The following PNISR variants were observed in gnomAD, a reference collection of about 807,000 sequenced individuals.
The protein encoded by PNISR is arginine/serine-rich protein PNISR.
In PNISR, 20 loss-of-function variants were observed where a neutral mutation model predicts 93.4. The ratio of observed to expected loss-of-function variants is 0.21; its 90% CI spans 0.15 to 0.31. The LOEUF (loss-of-function observed/expected upper bound fraction) is 0.31, where lower values mean the gene tolerates loss of function less well. Among genes scored for constraint, PNISR ranks in the 10% least tolerant of loss-of-function variants. The pLI is 1.00. For synonymous variants in PNISR, 305 were observed against 306.5 expected (o/e 0.99, Z 0.05); for missense variants, 893 against 985.4 (o/e 0.91, Z 1.25).
rs1052999664 is a variant in PNISR, at chr6:99,400,389, A to T, written c.*151T>A. The T allele has an allele frequency of 4.3e-6, 5 of 1,170,490 alleles. No homozygotes were observed. The highest frequency in any genetic ancestry group is 3.8e-5 in the Admixed American group (1 of 26,330). 72.5% of individuals were successfully genotyped at this position (1,170,490 alleles called of 1,614,324 possible). Reference sequence around the variant, plus strand: ...AAAAATCTGCAATTTTAAATAAATAATATTATATAGGATTTCTAACATTTA... The same window carrying T: ...AAAAATCTGCAATTTTAAATAAATATTATTATATAGGATTTCTAACATTTA... On this transcript the variant is annotated 3_prime_UTR_variant, in exon 12 of 12. Coordinates refer to ENST00000369239, the MANE Select transcript of PNISR (RefSeq NM_032870.4).
intron 11 of PNISR, among the ~76,000 whole-genome samples, chr6:99,402,277 T>C (rs1332189608): frequency 2.0e-5 from 3 of 152,210 alleles, no homozygotes; most frequent in Non-Finnish European, 4.4e-5. Context: ...GTCTTACAAA[T>C]ATATTTTTCC....
intron 1 of PNISR, among the ~76,000 whole-genome samples, chr6:99,421,291 C>T (rs145148760): frequency 3.4e-4 from 52 of 152,214 alleles, no homozygotes; most frequent in African/African-American, 1.1e-3. Flanking sequence ...CCACACACTG[C>T]CGCAAAAAAA....
chr6:99,424,774 G>A (rs1423911590), intron 1 of PNISR: 1 of 156,044 alleles, frequency 6.4e-6, no homozygotes, highest in Non-Finnish European at 1.4e-5. Context: ...TCCATCATTG[G>A]GTAAGAACAC....
rs1775267005 is a variant in PNISR at position 99,400,001 on chromosome 6, C to T, written c.*539G>A. The T allele has an allele frequency of 6.6e-6, 1 of 152,054 alleles. No homozygotes were observed. Among genetic ancestry groups the T allele is most frequent in the Admixed American group, 6.6e-5 (1 of 15,258 alleles). The allele number at this position is 152,054 out of a possible 1,614,324, so 9.4% of individuals were successfully genotyped here. ...GAACTAAAGAGCTTTATTGACATCA[C>T]AGTACATTCAAGAATAATTTTAAGA... On this transcript the variant is annotated 3_prime_UTR_variant, in exon 12 of 12. Transcript: ENST00000369239.
Position 99,412,610 on chromosome 6 carries a change from C to T in PNISR, c.218G>A (p.Gly73Asp). The T allele has an allele frequency of 6.2e-7, 1 of 1,611,146 alleles. No individual in the cohort carries two copies. The highest frequency in any genetic ancestry group is 8.5e-7 in the Non-Finnish European group (1 of 1,179,016). ...TTGGAAATTCCCATGATTGTTTGGA[C>T]CAGATTCCATTGTAGACATATCTTG... is the stretch of plus-strand genomic sequence containing the variant. ...NGQDMSTMES[G>D]PNNHGNFQGD... Residue 73 changes from glycine to aspartate, a missense_variant, in exon 4 of 12, where the codon GGT becomes GAT. Around this residue, in one of 3 missense-constraint regions of PNISR, gnomAD observed 866 missense variants for 935.1 expected, o/e 0.93. Transcript: ENST00000369239.
In PNISR at chr6:99,408,122, C is replaced by A. The variant is rs1223191287; in HGVS notation, c.823G>T (p.Glu275Ter). ...GGTAAACGAGGGCCATCCCCTCCTT[C>A]AGCATCTTCTGTGGCCTTTTTTTCT... ...KKEKKATEDA[E>*]GGDGPRLPQR... The change falls in exon 7 of 12, where the codon GAA (glutamate) becomes TAA (stop). Residue 275 changes from glutamate (E) to a stop codon, truncating the protein, a stop_gained. Transcript: ENST00000369239. LOFTEE classifies it high-confidence loss of function. The A allele has an allele frequency of 6.2e-7, 1 of 1,610,380 alleles. No homozygotes were observed. Among genetic ancestry groups the A allele is most frequent in the Non-Finnish European group, 8.5e-7 (1 of 1,179,042 alleles).
rs200177846 is a variant in PNISR at position 99,408,259 on chromosome 6, C to T, written c.686G>A (p.Arg229His). The T allele has an allele frequency of 5.6e-6, 9 of 1,603,788 alleles. No homozygotes were observed. Among genetic ancestry groups the T allele is most frequent in the East Asian group, 2.2e-5 (1 of 44,812 alleles). The change falls in exon 7 of 12, where the codon CGC (arginine) becomes CAC (histidine). Residue 229 changes from arginine to histidine, a missense_variant. Physicochemically the swap from Arg to His is conservative, Grantham distance 29 (BLOSUM62 0). Around this residue, in one of 3 missense-constraint regions of PNISR, gnomAD observed 866 missense variants for 935.1 expected, o/e 0.93. Transcript: ENST00000369239. ...QEPPQIDAVK[R>H]RTLPAWIREG... ...GCGAATCCAAGCGGGAAGAGTCCTG[C>T]GTTTTACTGCGTCTGTTTCACGTGG...
chr6:99,408,342 A>T (rs530495994), intron 6 of PNISR, 71 bp from the exon 7 acceptor site: 8 of 1,071,038 alleles, frequency 7.5e-6, no homozygotes, highest in South Asian at 3.0e-5. Context: ...GAGTAAATTT[A>T]AAAAATATCC....
At chr6:99,423,779 G>A (rs915135232) in intron 1 of PNISR, among the ~76,000 whole-genome samples, 1 of 152,120 alleles carries the variant, frequency 6.6e-6, no homozygotes, top group Non-Finnish European at 1.5e-5. Flanking sequence ...CCAAAGACTG[G>A]GTGGCTTAAG....
intron 7 of PNISR, among the ~76,000 whole-genome samples, chr6:99,406,534 T>G (rs1334327898): frequency 6.6e-6 from 1 of 152,186 alleles, no homozygotes; most frequent in African/African-American, 2.4e-5. Flanking sequence ...TTTGGATAAA[T>G]GGACCATAGA....
chr6:99,400,871 T>G lies in PNISR; in HGVS notation c.2087A>C (p.Lys696Thr). 1.3e-6 allele frequency: 2 copies of G among 1,594,158 alleles called. No individual in the cohort carries two copies. Among genetic ancestry groups the G allele is most frequent in the Non-Finnish European group, 1.7e-6 (2 of 1,167,084 alleles). The change falls in exon 12 of 12, where the codon AAA (lysine) becomes ACA (threonine). Residue 696 changes from lysine to threonine, a missense_variant. Lys to Thr is a moderately conservative substitution (Grantham distance 78). Transcript: ENST00000369239. The stretch of plus-strand genomic sequence containing the variant: ...GAACTTAAAATCTTTTTCTTCCCTT[T>G]TTTGTTTCTCTTTTCTTTTATCCTG... ...REQDKRKEKQ[K>T]REEKDFKFSS...
At chr6:99,409,531 G>A (rs1055662597) in intron 5 of PNISR, 187 bp from the exon 6 acceptor site, 8 of 487,184 alleles carry the variant, frequency 1.6e-5, no homozygotes, top group Admixed American at 3.8e-5. Flanking sequence ...AAGATTTTCC[G>A]GCTATGTAAA....
Position 99,399,341 on chromosome 6 carries a change from C to T in PNISR, c.*1199G>A, listed in dbSNP as rs941722483. 4 of 152,200 alleles carry T rather than the reference C, an allele frequency of 2.6e-5. No homozygotes were observed. Among genetic ancestry groups the T allele is most frequent in the Admixed American group, 6.5e-5 (1 of 15,292 alleles). The allele number at this position is 152,200 out of a possible 1,614,324, so 9.4% of individuals were successfully genotyped here. A position where few individuals can be genotyped will look rare whatever the true frequency, so the allele number is the denominator to read the frequency against. ...TTAAACTGTTAGACCACTCACTAAT[C>T]ATAATTTTAAGAAACGGACAAAATC... On this transcript the variant is annotated 3_prime_UTR_variant, in exon 12 of 12. Coordinates refer to ENST00000369239, the MANE Select transcript of PNISR (RefSeq NM_032870.4).
chr6:99,402,375 A>G (rs961916664), intron 11 of PNISR, among the ~76,000 whole-genome samples, 165 bp downstream of exon 11: 5 of 152,212 alleles, frequency 3.3e-5, no homozygotes, highest in African/African-American at 1.2e-4. Flanking sequence ...ACTGCAATAA[A>G]TGGCTCCTAA....
chr6:99,401,719 G>T, intron 11 of PNISR, 89 bp from the exon 12 acceptor site: 1 of 986,056 alleles, frequency 1.0e-6, no homozygotes, highest in African/African-American at 1.6e-5. Context: ...TGTAACAATA[G>T]AACACCATTT....
chr6:99,424,105 A>C (rs575413027), intron 1 of PNISR, among the ~76,000 whole-genome samples: 1 of 152,354 alleles, frequency 6.6e-6, no homozygotes, highest in South Asian at 2.1e-4. Flanking sequence ...CAGTCATCAA[A>C]AACTAGTTAA....
Position 99,404,465 on chromosome 6 carries a change from A to G in PNISR, c.1102+138T>C, listed in dbSNP as rs775785531. The stretch of plus-strand genomic sequence containing the variant: ...GCTTTAATATGGTGTCTACGAATCT[A>G]ATCTTTAAGAGTTAAAACATGCAAG... On this transcript the variant is annotated intron_variant, in intron 9 of 11. Transcript: ENST00000369239. 7.2e-6 allele frequency: 5 copies of G among 697,764 alleles called. No individual in the cohort carries two copies. In the East Asian group the frequency reaches 1.4e-4, roughly 19 times the overall value. 43.2% of individuals were successfully genotyped at this position (697,764 alleles called of 1,614,324 possible).
chr6:99,423,942 A>G (rs1015417407), intron 1 of PNISR, among the ~76,000 whole-genome samples: 21 of 152,230 alleles, frequency 1.4e-4, no homozygotes, highest in African/African-American at 4.3e-4. Context: ...CTCTCTTCTT[A>G]TAAGGACAGC....
At chr6:99,414,412 A>G (rs904879249) in intron 3 of PNISR, among the ~76,000 whole-genome samples, 160 bp downstream of exon 3, 15 of 152,222 alleles carry the variant, frequency 9.9e-5, no homozygotes, top group African/African-American at 3.4e-4. Context: ...ATTTCCTGCT[A>G]TATATGCTAT....
Sources: gnomAD v4.1 joint callset for allele counts (sites outside exome capture counted in the v4.1 genomes callset) on GRCh38, gnomAD v4.1.1 for gene constraint, gnomAD v4.1.1 regional missense constraint, MANE v1.5 for transcripts, NCBI Gene and HGNC (gene_info 2026-07-23, HGNC 2026-07-21) for gene names.